TTC7B: variants seen among roughly 807,000 people sequenced by gnomAD.
TTC7B encodes tetratricopeptide repeat domain 7B, also known as tetratricopeptide repeat protein 7B.
A neutral mutation model predicts 106.8 loss-of-function variants in TTC7B; 28 were observed. The observed-to-expected ratio is 0.26, with a 90% CI of 0.19 to 0.36. The LOEUF (loss-of-function observed/expected upper bound fraction) is 0.36, where lower values mean the gene tolerates loss of function less well. Among genes scored for constraint, TTC7B ranks in the 10% least tolerant of loss-of-function variants. TTC7B has a pLI of 1.00. For missense variants in TTC7B, 862 were observed against 1,076.4 expected (o/e 0.80, Z 2.79); for synonymous variants, 405 against 430.6 (o/e 0.94, Z 0.74).
intron 3 of TTC7B, among the ~76,000 whole-genome samples, chr14:90,779,463 C>T (rs1289916230): frequency 5.3e-5 from 8 of 152,138 alleles, no homozygotes; most frequent in African/African-American, 1.9e-4. Flanking sequence ...TGCCACCACA[C>T]CCGGCTAATT....
chr14:90,581,360 T>A (rs977657212), intron 18 of TTC7B, among the ~76,000 whole-genome samples: 1 of 152,226 alleles, frequency 6.6e-6, no homozygotes, highest in African/African-American at 2.4e-5. Flanking sequence ...CTCTGTCCTT[T>A]AGTTTGGACC....
Position 90,577,625 on chromosome 14 carries a change from C to T in TTC7B, c.2310+481G>A, listed in dbSNP as rs1361197422. Among the ~76,000 whole-genome samples, 1 of 152,210 alleles carries T rather than the reference C, an allele frequency of 6.6e-6. No individual in the cohort carries two copies. Among genetic ancestry groups the T allele is most frequent in the Admixed American group, 6.5e-5 (1 of 15,284 alleles). ...CCCCCGCTGGTAGGATGCTCCCTCC[C>T]AGCCAATGGCCTCAGAGACATGCTG... On this transcript the variant is annotated intron_variant, in intron 19 of 19. Coordinates refer to ENST00000328459, the MANE Select transcript of TTC7B (RefSeq NM_001010854.2). This position sits in a 1 kb window ranked among gnomAD's most constrained non-coding sequence, Gnocchi z 5.0.
intron 5 of TTC7B, among the ~76,000 whole-genome samples, chr14:90,711,180 TA>T (rs1888430142): frequency 2.6e-5 from 4 of 152,180 alleles, no homozygotes; most frequent in Admixed American, 2.0e-4. Flanking sequence ...ACCAGAGATG[TA>T]AATATGTGGG....
chr14:90,597,151 C>T (rs1418901452), intron 17 of TTC7B, among the ~76,000 whole-genome samples: 2 of 152,116 alleles, frequency 1.3e-5, no homozygotes, highest in Non-Finnish European at 2.9e-5. Context: ...CACATTTCAC[C>T]AGGGCAGAGA....
At chr14:90,687,894 G>C (rs1887308422) in intron 7 of TTC7B, among the ~76,000 whole-genome samples, 2 of 152,328 alleles carry the variant, frequency 1.3e-5, no homozygotes, top group Middle Eastern at 6.8e-3. Flanking sequence ...GGTGACAAGA[G>C]AGAGAAATGC....
chr14:90,673,354 G>A (rs767671371), intron 9 of TTC7B, among the ~76,000 whole-genome samples: 17 of 152,156 alleles, frequency 1.1e-4, no homozygotes, highest in Non-Finnish European at 1.9e-4. Context: ...CAAGGAGCAT[G>A]CAGGACTATT....
At chr14:90,614,083 T>C (rs1892973823) in intron 16 of TTC7B, among the ~76,000 whole-genome samples, 1 of 152,082 alleles carries the variant, frequency 6.6e-6, no homozygotes, top group Non-Finnish European at 1.5e-5. Context: ...ACACAGTAAA[T>C]ATTGCACCTA....
In TTC7B at chr14:90,541,228, G is replaced by T; in HGVS notation, c.*140C>A. The T allele has an allele frequency of 1.4e-6, 1 of 720,016 alleles. No homozygotes were observed. The allele number at this position is 720,016 out of a possible 1,614,324, so 44.6% of individuals were successfully genotyped here. On this transcript the variant is annotated 3_prime_UTR_variant, in exon 20 of 20. Coordinates refer to ENST00000328459, the MANE Select transcript of TTC7B (RefSeq NM_001010854.2). ...GAGAGCGATGATTCGGGGTTGGTTT[G>T]GTTGGTTCACTGTGGCCCACTGAAC...
At chr14:90,750,944 T>C (rs1248976160) in intron 3 of TTC7B, among the ~76,000 whole-genome samples, 1 of 152,234 alleles carries the variant, frequency 6.6e-6, no homozygotes, top group Non-Finnish European at 1.5e-5. Context: ...AATTTTCGAG[T>C]GTCCAGGATC....
rs1293404932 is a variant in TTC7B, at chr14:90,816,399, C to G, written c.-104G>C. ...GCCGCCGCGGGCTCGGGCTCCGGCT[C>G]CCGGCTCCGCGGCGTAACGGGAGCG... is the stretch of plus-strand genomic sequence containing the variant. On this transcript the variant is annotated 5_prime_UTR_variant, in exon 1 of 20. Transcript: ENST00000328459. 4.9e-6 allele frequency: 3 copies of G among 610,542 alleles called. No homozygotes were observed. The highest frequency in any genetic ancestry group is 6.1e-6 in the Non-Finnish European group (3 of 491,246). 37.8% of individuals were successfully genotyped at this position (610,542 alleles called of 1,614,324 possible). A position where few individuals can be genotyped will look rare whatever the true frequency, so the allele number is the denominator to read the frequency against.
Position 90,644,095 on chromosome 14 carries a change from A to G in TTC7B, c.1704T>C (p.Ala568=), listed in dbSNP as rs200054130. The part of the protein sequence containing the change: ...LLSAQKHYHD[A]LNIIDMALSE... ...TCAGGGCCATGTCGATGATGTTCAGAGCGTCATGGTAATGCTTCTGTGCTG... is the reference window on the plus strand; with the variant it reads ...TCAGGGCCATGTCGATGATGTTCAGGGCGTCATGGTAATGCTTCTGTGCTG... Residue 568 remains alanine (A), a synonymous_variant, in exon 15 of 20, where the codon GCT becomes GCC. Transcript: ENST00000328459. 26 of 1,613,966 alleles carry G rather than the reference A, an allele frequency of 1.6e-5. No individual in the cohort carries two copies. Among genetic ancestry groups the G allele is most frequent in the Non-Finnish European group, 2.0e-5 (24 of 1,180,040 alleles).
chr14:90,533,193 G>C lies in TTC7B; in HGVS notation c.*8175C>G, dbSNP rs1889327104. On this transcript the variant is annotated 3_prime_UTR_variant, in exon 20 of 20. Transcript: ENST00000328459. ...CACCGCCTCAGGCAGTGGCGGATGG[G>C]AGCCTCCTGTGCTGTGACCAAGTGG... The C allele has an allele frequency of 6.6e-6, 1 of 152,278 alleles. No homozygotes were observed. The highest frequency in any genetic ancestry group is 1.5e-5 in the Non-Finnish European group (1 of 68,138). The allele number at this position is 152,278 out of a possible 1,614,324, so 9.4% of individuals were successfully genotyped here.
chr14:90,715,185 C>A (rs60389989), intron 5 of TTC7B, among the ~76,000 whole-genome samples: 16,823 of 152,264 alleles, frequency 0.11, 1,021 homozygotes, highest in Admixed American at 0.18. Context: ...CTGTTGCACA[C>A]AAATGCAAAT....
At chr14:90,789,011 T>G (rs1891487405) in intron 1 of TTC7B, among the ~76,000 whole-genome samples, 1 of 152,214 alleles carries the variant, frequency 6.6e-6, no homozygotes, top group African/African-American at 2.4e-5. Flanking sequence ...CCTTTTAATA[T>G]TTATGAATAA....
At position 90,730,111 on chromosome 14, in the gene TTC7B, C is replaced by T. The variant is rs1889268835; in HGVS notation, c.662G>A (p.Gly221Glu). 1 of 1,613,532 alleles carries T rather than the reference C, an allele frequency of 6.2e-7. No individual in the cohort carries two copies. The change falls in exon 5 of 20, where the codon GGA becomes GAA. Residue 221 changes from glycine (G) to glutamate (E), a missense_variant. By Grantham distance (98) the Gly-to-Glu change is moderately conservative. Coordinates refer to ENST00000328459, the MANE Select transcript of TTC7B (RefSeq NM_001010854.2). ...ATAGAGGACATGGGCTCTCTGAAGT[C>T]CTGTTTCTAGGAAAAAACCTAGTTC... ...DQELGFFLETGLQRAHVLYFK... is the reference protein window; with the variant it reads ...DQELGFFLETELQRAHVLYFK...
chr14:90,665,529 G>A (rs1886376638), intron 9 of TTC7B, among the ~76,000 whole-genome samples: 2 of 152,226 alleles, frequency 1.3e-5, no homozygotes, highest in African/African-American at 4.8e-5. Context: ...CAAACTGGGT[G>A]CGCGGCAGCG....
intron 7 of TTC7B, among the ~76,000 whole-genome samples, chr14:90,684,050 T>C (rs1454344213): frequency 6.6e-6 from 1 of 152,068 alleles, no homozygotes; most frequent in East Asian, 1.9e-4. Context: ...AGCATTCCCA[T>C]CCTTACCAAA....
At chr14:90,557,635 C>T (rs539059399) in intron 19 of TTC7B, among the ~76,000 whole-genome samples, 2 of 152,354 alleles carry the variant, frequency 1.3e-5, no homozygotes, top group East Asian at 3.9e-4. Flanking sequence ...CTGGAGTCTC[C>T]ACCTCCAGCA....
At chr14:90,744,733 G>A in intron 4 of TTC7B, 59 bp downstream of exon 4, 2 of 1,566,668 alleles carry the variant, frequency 1.3e-6, no homozygotes, top group South Asian at 1.2e-5. Flanking sequence ...AATCTCAGTT[G>A]TCCACTATCT....
Sources: allele counts gnomAD v4.1 joint callset (sites outside exome capture counted in the v4.1 genomes callset), GRCh38; gene constraint gnomAD v4.1.1; non-coding constraint Gnocchi (gnomAD v3.1); transcripts MANE v1.5; gene names NCBI Gene and HGNC (gene_info 2026-07-23, HGNC 2026-07-21).